The following SEZ6L variants were observed in gnomAD, a reference collection of about 807,000 sequenced individuals.
SEZ6L encodes seizure 6-like protein.
SEZ6L carries 37 observed loss-of-function variants against 106.2 expected under a neutral mutation model. The ratio of observed to expected loss-of-function variants is 0.35; its 90% CI spans 0.27 to 0.46. The LOEUF (loss-of-function observed/expected upper bound fraction) is 0.46. Ranked by LOEUF, SEZ6L falls within the 20% of genes least tolerant of loss-of-function variation. The probability of loss-of-function intolerance (pLI) is 1.00; values close to 1 mark genes in which losing one functional copy is unlikely to be tolerated. For missense variants in SEZ6L, 1,172 were observed against 1,332.8 expected (o/e 0.88, Z 1.88); for synonymous variants, 541 against 570.4 (o/e 0.95, Z 0.73).
intron 1 of SEZ6L, among the ~76,000 whole-genome samples, chr22:26,272,350 C>T (rs1001146802): frequency 6.6e-6 from 1 of 152,124 alleles, no homozygotes; most frequent in African/African-American, 2.4e-5. Flanking sequence ...ATGCTTAGGA[C>T]CATGTGACTC....
At chr22:26,290,970 T>C (rs1230597768) in intron 1 of SEZ6L, among the ~76,000 whole-genome samples, 1 of 152,252 alleles carries the variant, frequency 6.6e-6, no homozygotes, top group Non-Finnish European at 1.5e-5. Context: ...ACCCTGCTTT[T>C]ACACTGTTGG....
intron 1 of SEZ6L, among the ~76,000 whole-genome samples, chr22:26,225,999 C>A (rs1569397489): frequency 6.6e-6 from 1 of 152,174 alleles, no homozygotes; most frequent in Non-Finnish European, 1.5e-5. Flanking sequence ...CTTATCCATC[C>A]ATCTCCAAGT....
rs371203903 is a variant in SEZ6L, at chr22:26,297,046, C to T, written c.1128C>T (p.Asp376=). The T allele has an allele frequency of 2.4e-5, 38 of 1,613,634 alleles. No individual in the cohort carries two copies. Among genetic ancestry groups the T allele is most frequent in the South Asian group, 5.5e-5 (5 of 90,968 alleles). ...CCGTCTACTTCCGGACCTTCCAGGA[C>T]GACGGCCTTGGGACCTTCCAGCTTC... ...TISVYFRTFQ[D]DGLGTFQLHY... The change falls in exon 4 of 17, where the codon GAC becomes GAT. Residue 376 remains aspartate (D), a synonymous_variant. Transcript: ENST00000248933.
At chr22:26,232,346 T>TCACACACACACA (rs10654892) in intron 1 of SEZ6L, among the ~76,000 whole-genome samples, 120 of 133,260 alleles carry the variant, frequency 9.0e-4, no homozygotes, top group Admixed American at 2.0e-3. Context: ...TCTCTGTCTT[T>TCACACACACACA]CACACACACA....
intron 9 of SEZ6L, among the ~76,000 whole-genome samples, chr22:26,335,074 G>C (rs935266915): frequency 2.0e-5 from 3 of 152,184 alleles, no homozygotes; most frequent in Non-Finnish European, 4.4e-5. Context: ...CATCTCGGTT[G>C]CTTACAAAGG....
At chr22:26,274,750 G>T (rs907029279) in intron 1 of SEZ6L, among the ~76,000 whole-genome samples, 5 of 152,178 alleles carry the variant, frequency 3.3e-5, no homozygotes, top group African/African-American at 1.2e-4. Flanking sequence ...TCCGTGTGGG[G>T]CCCCATGGAC....
At chr22:26,336,115 A>G (rs185047477) in intron 9 of SEZ6L, among the ~76,000 whole-genome samples, 1 of 152,286 alleles carries the variant, frequency 6.6e-6, no homozygotes, top group East Asian at 1.9e-4. Context: ...GCCGTGCAAT[A>G]CTTGCCACCA....
At chr22:26,351,285 C>G (rs751406559) in intron 12 of SEZ6L, 42 bp downstream of exon 12, 1 of 1,574,414 alleles carries the variant, frequency 6.4e-7, no homozygotes, top group South Asian at 1.1e-5. Context: ...TAGGTAGAAG[C>G]AGATTCACTT....
At chr22:26,302,976 C>G (rs2081503862) in intron 5 of SEZ6L, among the ~76,000 whole-genome samples, 1 of 152,232 alleles carries the variant, frequency 6.6e-6, no homozygotes, top group Admixed American at 6.5e-5. Context: ...AGTGCCCACT[C>G]TGTGCCAGGG....
intron 6 of SEZ6L, among the ~76,000 whole-genome samples, chr22:26,308,248 CA>C (rs2081699967): frequency 6.7e-6 from 1 of 150,104 alleles, no homozygotes; most frequent in Non-Finnish European, 1.5e-5. Flanking sequence ...ATAATGGATC[CA>C]AAAATACAGA....
intron 5 of SEZ6L, among the ~76,000 whole-genome samples, chr22:26,303,374 C>A (rs1008263952): frequency 1.3e-5 from 2 of 152,198 alleles, no homozygotes; most frequent in African/African-American, 4.8e-5. Flanking sequence ...TGCTATGTAT[C>A]AAGCTTTGAG....
chr22:26,352,198 T>C (rs1318024700), intron 12 of SEZ6L, among the ~76,000 whole-genome samples: 1 of 150,956 alleles, frequency 6.6e-6, no homozygotes, highest in African/African-American at 2.4e-5. Context: ...CAAGGCTCTC[T>C]AGGGATTCTG....
chr22:26,305,326 C>A (rs6004994), intron 5 of SEZ6L, among the ~76,000 whole-genome samples: 1,714 of 152,270 alleles, frequency 0.011, 22 homozygotes, highest in African/African-American at 0.039. Context: ...TTATCCAGAA[C>A]CGCATTTGGC....
intron 9 of SEZ6L, among the ~76,000 whole-genome samples, chr22:26,332,608 G>A (rs770984534): frequency 5.9e-5 from 9 of 151,964 alleles, no homozygotes; most frequent in Admixed American, 3.9e-4. Flanking sequence ...CACCGTGCCC[G>A]GCTAATGTTT....
chr22:26,271,771 G>A (rs928668371), intron 1 of SEZ6L, among the ~76,000 whole-genome samples: 5 of 152,190 alleles, frequency 3.3e-5, no homozygotes, highest in African/African-American at 7.2e-5. Context: ...CTGTGGAACC[G>A]TGAGCCAATT....
chr22:26,317,214 A>G (rs753108745), intron 9 of SEZ6L, among the ~76,000 whole-genome samples: 1 of 152,140 alleles, frequency 6.6e-6, no homozygotes, highest in Non-Finnish European at 1.5e-5. Context: ...ATCCTTTAGG[A>G]AGCCTTCTGT....
chr22:26,320,929 C>G lies in SEZ6L; in HGVS notation c.2015+7027C>G, dbSNP rs539021427. 8.5e-4 allele frequency among the ~76,000 whole-genome samples: 129 copies of G among 152,228 alleles called. 1 individual carries two copies. Among genetic ancestry groups the G allele is most frequent in the African/African-American group, 3.0e-3 (123 of 41,526 alleles). The stretch of plus-strand genomic sequence containing the variant: ...ACAATGCACAGGACAGTCCCCACCA[C>G]AAAGAATGAGCTGACCCAAAATATC... On this transcript the variant is annotated intron_variant, in intron 9 of 16. Coordinates refer to ENST00000248933, the MANE Select transcript of SEZ6L (RefSeq NM_021115.5).
chr22:26,170,603 G>C (rs1337842952), intron 1 of SEZ6L, among the ~76,000 whole-genome samples: 2 of 152,100 alleles, frequency 1.3e-5, no homozygotes, highest in East Asian at 3.9e-4. Context: ...CTCCACCCCG[G>C]TAAGGTACCC....
In SEZ6L at chr22:26,383,532, G is replaced by A. The variant is rs2146100965; in HGVS notation, c.*3237G>A. The A allele has an allele frequency of 6.6e-6, 1 of 152,222 alleles. No homozygotes were observed. Among genetic ancestry groups the A allele is most frequent in the South Asian group, 2.1e-4 (1 of 4,822 alleles). The allele number at this position is 152,222 out of a possible 1,614,324, so 9.4% of individuals were successfully genotyped here. On this transcript the variant is annotated 3_prime_UTR_variant, in exon 17 of 17. Transcript: ENST00000248933. ...AAAGCAAAACAAACTTTCTAAGCTA[G>A]AATAATGAAATTAAGTCATTTTCCA... is the stretch of plus-strand genomic sequence containing the variant.
Sources: allele counts gnomAD v4.1 joint callset (sites outside exome capture counted in the v4.1 genomes callset), GRCh38; gene constraint gnomAD v4.1.1; transcripts MANE v1.5; gene names NCBI Gene and HGNC (gene_info 2026-07-23, HGNC 2026-07-21).